The following HERC2 variants were observed in gnomAD, a reference collection of about 807,000 sequenced individuals.
HERC2 encodes E3 ubiquitin-protein ligase HERC2.
A neutral mutation model predicts 537.7 loss-of-function variants in HERC2; 102 were observed. The ratio of observed to expected loss-of-function variants is 0.19; its 90% CI spans 0.16 to 0.22. The LOEUF is 0.22. Among genes scored for constraint, HERC2 ranks in the 10% least tolerant of loss-of-function variants. HERC2 has a pLI of 1.00. For synonymous variants in HERC2, 2,224 were observed against 2,466.2 expected, an observed-to-expected ratio of 0.90 and a Z score of 2.91; for missense variants, 4,236 against 6,198.2, an observed-to-expected ratio of 0.68 and a Z score of 10.63.
chr15:28,312,548 C>T (rs1401428997), intron 2 of HERC2, among the ~76,000 whole-genome samples: 1,470 of 151,292 alleles, frequency 9.7e-3, no homozygotes, highest in African/African-American at 0.034. Context: ...GGACGGTCAC[C>T]TGCACCCAGG....
intron 79 of HERC2, among the ~76,000 whole-genome samples, chr15:28,135,001 G>A (rs564398969): frequency 6.6e-6 from 1 of 152,250 alleles, no homozygotes; most frequent in East Asian, 1.9e-4. Context: ...TGGTGGTTTA[G>A]TTATTCCTAG....
At chr15:28,169,257 T>C (rs1290817149) in intron 66 of HERC2, among the ~76,000 whole-genome samples, 1 of 152,196 alleles carries the variant, frequency 6.6e-6, no homozygotes, top group African/African-American at 2.4e-5. Flanking sequence ...TCAAAAAGAA[T>C]AGTGAAAATG....
chr15:28,183,749 T>C (rs1896039072), intron 56 of HERC2, among the ~76,000 whole-genome samples: 1 of 152,192 alleles, frequency 6.6e-6, no homozygotes, highest in Non-Finnish European at 1.5e-5. Context: ...TTTCACACAT[T>C]ATATACTAAT....
chr15:28,228,278 G>C lies in HERC2; in HGVS notation c.5404C>G (p.Leu1802Val). 1 of 1,613,392 alleles carries C rather than the reference G, an allele frequency of 6.2e-7. No homozygotes were observed. The highest frequency in any genetic ancestry group is 8.5e-7 in the Non-Finnish European group (1 of 1,179,876). Reference protein sequence around the residue: ...MLTLQHGANNLDLLLNSGMLA... With the variant: ...MLTLQHGANNVDLLLNSGMLA... ...ATGCCGGAATTGAGCAGAAGGTCGA[G>C]GTTGTTTGCGCCGTGCTGCAGGGTG... The change falls in exon 35 of 93, where the codon CTC becomes GTC. Residue 1802 changes from leucine (L) to valine (V), a missense_variant. Leu to Val is a conservative substitution (Grantham distance 32). Coordinates refer to ENST00000261609, the MANE Select transcript of HERC2 (RefSeq NM_004667.6).
intron 86 of HERC2, among the ~76,000 whole-genome samples, chr15:28,118,875 G>A (rs1302454680): frequency 2.6e-4 from 40 of 152,370 alleles, no homozygotes; most frequent in Non-Finnish European, 1.5e-5. Context: ...TGAACGGGAA[G>A]GAGCCACCTC....
At position 28,196,445 on chromosome 15, in the gene HERC2, C is replaced by T. The variant is rs773585934; in HGVS notation, c.8120+16G>A. On this transcript the variant is annotated intron_variant, in intron 51 of 92. Coordinates refer to ENST00000261609, the MANE Select transcript of HERC2 (RefSeq NM_004667.6). ...TTCGTCCCAAAGCAAATCTAGCAAC[C>T]ATAAAAATAACTCACGTAACCCCAG... The T allele has an allele frequency of 5.0e-6, 8 of 1,603,628 alleles. No homozygotes were observed. The Admixed American group carries it at 1.0e-4, about 20-fold the overall frequency.
intron 2 of HERC2, among the ~76,000 whole-genome samples, chr15:28,299,727 T>C (rs2076567842): frequency 1.3e-5 from 2 of 152,210 alleles, no homozygotes; most frequent in Non-Finnish European, 2.9e-5. Flanking sequence ...ATAGTATAAA[T>C]ACTATGCTAC....
intron 2 of HERC2, among the ~76,000 whole-genome samples, chr15:28,301,619 A>C (rs1242757361): frequency 6.8e-6 from 1 of 146,590 alleles, no homozygotes; most frequent in Non-Finnish European, 1.5e-5. Flanking sequence ...TATGCGACAG[A>C]AGCTCCCTTG....
intron 35 of HERC2, among the ~76,000 whole-genome samples, chr15:28,223,005 G>C (rs112796668): frequency 0.04 from 6,128 of 152,048 alleles, 409 homozygotes; most frequent in African/African-American, 0.14. Context: ...TGCTCTGTGT[G>C]CCTTCACTGT....
At chr15:28,291,759 GC>G (rs2076318672) in intron 4 of HERC2, among the ~76,000 whole-genome samples, 5 of 151,924 alleles carry the variant, frequency 3.3e-5, no homozygotes, top group Admixed American at 2.6e-4. Flanking sequence ...AATGGAATTA[GC>G]CGGGTGTGGT....
At position 28,113,219 on chromosome 15, in the gene HERC2, T is replaced by C; in HGVS notation, c.14084A>G (p.Glu4695Gly). 6.2e-7 allele frequency: 1 copy of C among 1,614,086 alleles called. No homozygotes were observed. Reference protein sequence around the residue: ...LKSVATYKGIEPSASLIQWFW... With the variant: ...LKSVATYKGIGPSASLIQWFW... ...CCACTGGATCAGCGATGCGGAAGGCTCGATGCCTTTATAGGTGGCCACCGA... is the reference window on the plus strand; with the variant it reads ...CCACTGGATCAGCGATGCGGAAGGCCCGATGCCTTTATAGGTGGCCACCGA... The change falls in exon 92 of 93, where the codon GAG becomes GGG. Residue 4695 changes from glutamate (E) to glycine (G), a missense_variant. By Grantham distance (98) the Glu-to-Gly change is moderately conservative. Coordinates refer to ENST00000261609, the MANE Select transcript of HERC2 (RefSeq NM_004667.6). The surrounding 1 kb of genome is among the most constrained non-coding windows in gnomAD (Gnocchi z 7.0).
intron 56 of HERC2, among the ~76,000 whole-genome samples, chr15:28,185,395 C>A (rs1896215039): frequency 2.0e-5 from 3 of 152,192 alleles, no homozygotes; most frequent in Admixed American, 2.0e-4. Flanking sequence ...ACTAGCAATC[C>A]AAAGCGCCTT....
intron 12 of HERC2, 37 bp from the exon 13 acceptor site, chr15:28,266,011 T>A: frequency 6.2e-7 from 1 of 1,605,704 alleles, no homozygotes; most frequent in Non-Finnish European, 8.5e-7. Context: ...ATGCCCTTCT[T>A]CTTGGTGTTA....
rs774108861 is a variant in HERC2, at chr15:28,132,637, C to G, written c.12408+16G>C. The G allele has an allele frequency of 6.8e-7, 1 of 1,462,230 alleles. No individual in the cohort carries two copies. The highest frequency in any genetic ancestry group is 9.1e-7 in the Non-Finnish European group (1 of 1,100,576). 90.6% of individuals were successfully genotyped at this position (1,462,230 alleles called of 1,614,324 possible). On this transcript the variant is annotated intron_variant, in intron 80 of 92. Transcript: ENST00000261609. ...GAGCATGCAGCCTCCGGCCTCTGCA[C>G]ACGGCGCCTCCTCACCAGCTTCGGC...
chr15:28,273,012 G>C lies in HERC2; in HGVS notation c.801-8C>G. On this transcript the variant is annotated splice_region_variant and splice_polypyrimidine_tract_variant and intron_variant, in intron 7 of 92. Transcript: ENST00000261609. ...GGCGTTCCGTGAACATCCCTGAAAT[G>C]AAAGCAGTGGATGCAGGAACAAAGC... is the stretch of plus-strand genomic sequence containing the variant. 6.2e-7 allele frequency: 1 copy of C among 1,606,706 alleles called. No homozygotes were observed. Among genetic ancestry groups the C allele is most frequent in the Non-Finnish European group, 8.5e-7 (1 of 1,174,942 alleles).
rs1253116266 is a variant in HERC2, at chr15:28,240,853, C to T, written c.3578-2081G>A. Among the ~76,000 whole-genome samples the T allele has an allele frequency of 3.4e-5, 5 of 149,106 alleles. 1 individual carries two copies. In the South Asian group the frequency reaches 6.2e-4, roughly 19 times the overall value. On this transcript the variant is annotated intron_variant, in intron 23 of 92. Transcript: ENST00000261609. ...AATCCAGACATGCACATGTAAAGAACGGAGGTAGACCCTTACCTTACGCCA... is the reference window on the plus strand; with the variant it reads ...AATCCAGACATGCACATGTAAAGAATGGAGGTAGACCCTTACCTTACGCCA...
At chr15:28,275,343 A>C (rs1160351052) in intron 5 of HERC2, among the ~76,000 whole-genome samples, 1 of 152,228 alleles carries the variant, frequency 6.6e-6, no homozygotes, top group African/African-American at 2.4e-5. Context: ...TAAACCCCAC[A>C]TGGGAGACCA....
chr15:28,176,274 A>G lies in HERC2; in HGVS notation c.9686+154T>C, dbSNP rs1234179737. The stretch of plus-strand genomic sequence containing the variant: ...ATTTCTTCTTGTACTATTGTCACTA[A>G]TCCCAACTCAATATCCTTTAAAGGA... On this transcript the variant is annotated intron_variant, in intron 63 of 92. Transcript: ENST00000261609. This position sits in a 1 kb window ranked among gnomAD's most constrained non-coding sequence, Gnocchi z 5.0. Among the ~76,000 whole-genome samples the G allele has an allele frequency of 6.6e-6, 1 of 152,212 alleles. No homozygotes were observed. The highest frequency in any genetic ancestry group is 6.5e-5 in the Admixed American group (1 of 15,282).
In HERC2 at chr15:28,269,433, A is replaced by C. The variant is rs752159891; in HGVS notation, c.1261T>G (p.Ser421Ala). ...CCCCAACCTATGACCTCTTGCAATGATCCCTGTAAGATAAGAAAGTAAACA... is the reference window on the plus strand; with the variant it reads ...CCCCAACCTATGACCTCTTGCAATGCTCCCTGTAAGATAAGAAAGTAAACA... ...LCSSPTSHKG[S>A]LQEVIGWGLI... The change falls in exon 11 of 93, where the codon TCA becomes GCA. Residue 421 changes from serine (S) to alanine (A), a missense_variant. Physicochemically the swap from Ser to Ala is moderately conservative, Grantham distance 99 (BLOSUM62 1). This residue lies in a region of HERC2 where 491 missense variants were observed against 559.3 expected (regional missense o/e 0.88). Coordinates refer to ENST00000261609, the MANE Select transcript of HERC2 (RefSeq NM_004667.6). The C allele has an allele frequency of 1.2e-6, 2 of 1,609,288 alleles. No individual in the cohort carries two copies. The highest frequency in any genetic ancestry group is 3.3e-5 in the Admixed American group (2 of 59,938).
Sources: gnomAD v4.1 joint callset for allele counts (sites outside exome capture counted in the v4.1 genomes callset) on GRCh38, gnomAD v4.1.1 for gene constraint, gnomAD v4.1.1 regional missense constraint, Gnocchi (gnomAD v3.1) non-coding constraint, MANE v1.5 for transcripts, NCBI Gene and HGNC (gene_info 2026-07-23, HGNC 2026-07-21) for gene names.